Variants in MED9 observed in about 807,000 individuals in gnomAD.
The protein encoded by MED9 is mediator of RNA polymerase II transcription subunit 9.
In MED9, 8 loss-of-function variants were observed where a neutral mutation model predicts 13.2. The observed-to-expected ratio is 0.61, with a 90% CI of 0.36 to 1.10. MED9 has a LOEUF of 1.10. Among genes scored for constraint, MED9 ranks in the 50% least tolerant of loss-of-function variants. The pLI, the probability that MED9 is intolerant of heterozygous loss-of-function variation, is 0.02. For synonymous variants in MED9, 87 were observed against 82.8 expected (o/e 1.05, Z -0.28); for missense variants, 180 against 193.4 (o/e 0.93, Z 0.41).
rs557114281 is a variant in MED9, at chr17:17,484,575, G to A, written c.225-6704G>A. Among the ~76,000 whole-genome samples, 9 of 152,382 alleles carry A rather than the reference G, an allele frequency of 5.9e-5. No homozygotes were observed. The South Asian group carries it at 1.7e-3, about 28-fold the overall frequency. On this transcript the variant is annotated intron_variant, in intron 1 of 1. Transcript: ENST00000268711. ...CGCTAAGTGCCCACACTGGCTTCCC[G>A]GGGATAGTCCGCATGCAGTTACTGC...
At chr17:17,480,106 T>C (rs1453236674) in intron 1 of MED9, among the ~76,000 whole-genome samples, 2 of 152,116 alleles carry the variant, frequency 1.3e-5, no homozygotes, top group African/African-American at 4.8e-5. Flanking sequence ...GTTAAAAGGT[T>C]ACTCTCCCGA....
intron 1 of MED9, chr17:17,487,082 A>C (rs1414482259): frequency 6.6e-6 from 1 of 152,194 alleles, no homozygotes; most frequent in Non-Finnish European, 1.5e-5. Context: ...ACCAATCGAC[A>C]CTCTGTATCT....
intron 1 of MED9, among the ~76,000 whole-genome samples, chr17:17,477,958 A>C (rs1377795900): frequency 6.6e-6 from 1 of 152,238 alleles, no homozygotes; most frequent in Admixed American, 6.5e-5. Context: ...AAAACCAAAA[A>C]CAAAAACACA....
At position 17,492,644 on chromosome 17, in the gene MED9, C is replaced by T. The variant is rs889378173; in HGVS notation, c.*1149C>T. On this transcript the variant is annotated 3_prime_UTR_variant, in exon 2 of 2. Transcript: ENST00000268711. Reference sequence around the variant, plus strand: ...CTGTCAGATTGAAGTAAGAGCAGTTCTCTCCGTTGCCTCTCGAGGAGGAGG... The same window carrying T: ...CTGTCAGATTGAAGTAAGAGCAGTTTTCTCCGTTGCCTCTCGAGGAGGAGG... The T allele has an allele frequency of 6.6e-6, 1 of 152,264 alleles. No homozygotes were observed. The highest frequency in any genetic ancestry group is 1.5e-5 in the Non-Finnish European group (1 of 68,074). The allele number at this position is 152,264 out of a possible 1,614,324, so 9.4% of individuals were successfully genotyped here. A position where few individuals can be genotyped will look rare whatever the true frequency, so the allele number is the denominator to read the frequency against.
Position 17,491,647 on chromosome 17 carries a change from G to A in MED9, c.*152G>A, listed in dbSNP as rs569209412. ...GCTCCTGTGCTGCTGCGCGCGCTTC[G>A]CCTGTGCGGGAGCCAGCGCAGAGCT... is the stretch of plus-strand genomic sequence containing the variant. On this transcript the variant is annotated 3_prime_UTR_variant, in exon 2 of 2. Coordinates refer to ENST00000268711, the MANE Select transcript of MED9 (RefSeq NM_018019.3). 52 of 743,798 alleles carry A rather than the reference G, an allele frequency of 7.0e-5. No homozygotes were observed. In the East Asian group the frequency reaches 1.4e-3, roughly 20 times the overall value. 46.1% of individuals were successfully genotyped at this position (743,798 alleles called of 1,614,324 possible).
intron 1 of MED9, 83 bp downstream of exon 1, chr17:17,477,348 G>A: frequency 7.0e-7 from 1 of 1,419,618 alleles, no homozygotes; most frequent in Non-Finnish European, 9.4e-7. Flanking sequence ...AGGCCTTGGC[G>A]CTCTGGGGCA....
rs1217717774 is a variant in MED9, at chr17:17,482,827, A to T, written c.224+5562A>T. 2.0e-5 allele frequency among the ~76,000 whole-genome samples: 3 copies of T among 152,174 alleles called. No individual in the cohort carries two copies. In the East Asian group the frequency reaches 5.8e-4, roughly 29 times the overall value. The stretch of plus-strand genomic sequence containing the variant: ...GGGCCTCGGTTAGCCACATCTTCCC[A>T]CTGCTGTTTTTGAATATTTGTTATT... On this transcript the variant is annotated intron_variant, in intron 1 of 1. Coordinates refer to ENST00000268711, the MANE Select transcript of MED9 (RefSeq NM_018019.3).
chr17:17,487,985 G>C (rs923292310), intron 1 of MED9: 1 of 152,264 alleles, frequency 6.6e-6, no homozygotes, highest in Non-Finnish European at 1.5e-5. Flanking sequence ...GTTAGCAGAG[G>C]TTATCTCTGG....
In MED9 at chr17:17,491,790, C is replaced by G. The variant is rs992980748; in HGVS notation, c.*295C>G. ...CTGCAGAGGGGGTGGAGGACTCTCC[C>G]CTGCCTCTGGGGAGGGGGCCATCTG... On this transcript the variant is annotated 3_prime_UTR_variant, in exon 2 of 2. Transcript: ENST00000268711. 1 of 408,010 alleles carries G rather than the reference C, an allele frequency of 2.5e-6. No homozygotes were observed. The highest frequency in any genetic ancestry group is 4.6e-6 in the Non-Finnish European group (1 of 216,866). 25.3% of individuals were successfully genotyped at this position (408,010 alleles called of 1,614,324 possible).
chr17:17,478,849 C>G (rs1030912839), intron 1 of MED9, among the ~76,000 whole-genome samples: 7 of 150,354 alleles, frequency 4.7e-5, no homozygotes, highest in Non-Finnish European at 8.9e-5. Context: ...AAGAGCAAGA[C>G]TCTGCCTCAA....
intron 1 of MED9, among the ~76,000 whole-genome samples, chr17:17,484,586 G>A (rs1170845067): frequency 6.6e-6 from 1 of 152,274 alleles, no homozygotes; most frequent in Non-Finnish European, 1.5e-5. Flanking sequence ...GGGATAGTCC[G>A]CATGCAGTTA....
In MED9 at chr17:17,477,082, A is replaced by C. The variant is rs1207337976; in HGVS notation, c.41A>C (p.Asp14Ala). Residue 14 changes from aspartate to alanine, a missense_variant, in exon 1 of 2, where the codon GAT becomes GCT. Transcript: ENST00000268711. ...GTGGCAGCCGGGCGACAGGCGGAGG[A>C]TGTATTGCCGCCAACGTCCGACCAG... ...AGVAAGRQAE[D>A]VLPPTSDQPL... 1 of 1,607,162 alleles carries C rather than the reference A, an allele frequency of 6.2e-7. No homozygotes were observed. Among genetic ancestry groups the C allele is most frequent in the Non-Finnish European group, 8.5e-7 (1 of 1,179,542 alleles).
At position 17,491,487 on chromosome 17, in the gene MED9, A is replaced by G. The variant is rs1567640869; in HGVS notation, c.433A>G (p.Lys145Glu). Reference protein sequence around the residue: ...YKSLCMFEIPKE With the variant: ...YKSLCMFEIPEE Reference sequence around the variant, plus strand: ...GAGCCTCTGCATGTTCGAAATCCCCAAGGAGTAGAGTGAGGCTGACTTCCT... The same window carrying G: ...GAGCCTCTGCATGTTCGAAATCCCCGAGGAGTAGAGTGAGGCTGACTTCCT... Residue 145 changes from lysine (K) to glutamate (E), a missense_variant, in exon 2 of 2, where the codon AAG becomes GAG. Lys to Glu is a moderately conservative substitution (Grantham distance 56). Coordinates refer to ENST00000268711, the MANE Select transcript of MED9 (RefSeq NM_018019.3). 1 of 1,611,260 alleles carries G rather than the reference A, an allele frequency of 6.2e-7. No individual in the cohort carries two copies. Among genetic ancestry groups the G allele is most frequent in the Non-Finnish European group, 8.5e-7 (1 of 1,177,600 alleles).
chr17:17,489,110 C>T (rs1343197984), intron 1 of MED9, among the ~76,000 whole-genome samples: 1 of 152,234 alleles, frequency 6.6e-6, no homozygotes. Flanking sequence ...AGCATGTTCT[C>T]TTCACTCCAG....
intron 1 of MED9, among the ~76,000 whole-genome samples, chr17:17,480,391 C>T (rs1905013190): frequency 6.6e-6 from 1 of 151,790 alleles, no homozygotes. Context: ...AATGAACAAG[C>T]ATCACTCATT....
chr17:17,485,290 G>T (rs1024691059), intron 1 of MED9: 5 of 398,002 alleles, frequency 1.3e-5, no homozygotes, highest in South Asian at 1.3e-4. Context: ...TTTTTTTTTT[G>T]TATTTTTAGT....
intron 1 of MED9, 77 bp downstream of exon 1, chr17:17,477,342 C>T: frequency 6.9e-7 from 1 of 1,446,662 alleles, no homozygotes; most frequent in Non-Finnish European, 9.2e-7. Flanking sequence ...TGCAAGAGGC[C>T]TTGGCGCTCT....
chr17:17,485,246 C>T (rs375146387), intron 1 of MED9: 37 of 396,928 alleles, frequency 9.3e-5, no homozygotes, highest in African/African-American at 4.9e-4. Flanking sequence ...TACAGGCACA[C>T]GCCACCACGC....
At chr17:17,479,492 C>G (rs1033375201) in intron 1 of MED9, among the ~76,000 whole-genome samples, 2 of 150,000 alleles carry the variant, frequency 1.3e-5, no homozygotes, top group Non-Finnish European at 1.5e-5. Flanking sequence ...TGTCTCTGTT[C>G]CATCTAAAAG....
Sources: gnomAD v4.1 joint callset for allele counts (sites outside exome capture counted in the v4.1 genomes callset) on GRCh38, gnomAD v4.1.1 for gene constraint, MANE v1.5 for transcripts, NCBI Gene and HGNC (gene_info 2026-07-23, HGNC 2026-07-21) for gene names.